The following SIGLEC8 variants were observed in gnomAD, a reference collection of about 807,000 sequenced individuals.
SIGLEC8 encodes sialic acid-binding Ig-like lectin 8.
SIGLEC8 carries 32 observed loss-of-function variants against 42.1 expected under a neutral mutation model. The observed-to-expected ratio is 0.76, with a 90% CI of 0.57 to 1.02. The LOEUF (loss-of-function observed/expected upper bound fraction) is 1.02. SIGLEC8 is among the 50% of genes least tolerant of loss of function. SIGLEC8 has a pLI of 0.00. For synonymous variants in SIGLEC8, 262 were observed against 260.3 expected (o/e 1.01, Z -0.06); for missense variants, 611 against 610.2 (o/e 1.00, Z -0.01).
At position 51,454,385 on chromosome 19, in the gene SIGLEC8, C is replaced by T. The variant is rs900859412; in HGVS notation, c.1149-70G>A. The T allele has an allele frequency of 1.2e-6, 2 of 1,611,164 alleles. No homozygotes were observed. The highest frequency in any genetic ancestry group is 2.7e-5 in the African/African-American group (2 of 74,760). On this transcript the variant is annotated intron_variant, in intron 5 of 6. Transcript: ENST00000321424. This position sits in a 1 kb window ranked among gnomAD's most constrained non-coding sequence, Gnocchi z 4.7. ...GTGCAGTGGGCAGACCAACCCCTGC[C>T]CTGTATTTCCTACTGGGGGCTTGAG...
chr19:51,454,721 C>T lies in SIGLEC8; in HGVS notation c.1111G>A (p.Ala371Thr). 6.2e-7 allele frequency: 1 copy of T among 1,613,898 alleles called. No homozygotes were observed. Among genetic ancestry groups the T allele is most frequent in the Non-Finnish European group, 8.5e-7 (1 of 1,179,970 alleles). Reference protein sequence around the residue: ...LAAVGGAGATALAFLSFCIIF... With the variant: ...LAAVGGAGATTLAFLSFCIIF... ...ATGCAGAAGGACAGGAAGGCCAGGG[C>T]TGTGGCTCCAGCTCCCCCGACTGCT... The change falls in exon 5 of 7, where the codon GCC (alanine) becomes ACC (threonine). Residue 371 changes from alanine to threonine, a missense_variant. Ala to Thr is a moderately conservative substitution (Grantham distance 58). Coordinates refer to ENST00000321424, the MANE Select transcript of SIGLEC8 (RefSeq NM_014442.3). This position sits in a 1 kb window ranked among gnomAD's most constrained non-coding sequence, Gnocchi z 4.7.
At chr19:51,457,844 A>T in intron 1 of SIGLEC8, 90 bp downstream of exon 1, 1 of 1,551,332 alleles carries the variant, frequency 6.4e-7, no homozygotes, top group Non-Finnish European at 8.8e-7. Context: ...ACTTATTTCA[A>T]TCCCAACCCC....
chr19:51,458,051 C>T lies in SIGLEC8; in HGVS notation c.337G>A (p.Asp113Asn), dbSNP rs1334456005. The change falls in exon 1 of 7, where the codon GAC becomes AAC. Residue 113 changes from aspartate to asparagine, a missense_variant. Transcript: ENST00000321424. ...GACCCCTTATCCCTCTTCCTGGCGT[C>T]TCTGATGCTCAGGGAGCAGTCGTTG... ...WSNDCSLSIR[D>N]ARKRDKGSYF... 6.2e-7 allele frequency: 1 copy of T among 1,614,214 alleles called. No individual in the cohort carries two copies. Among genetic ancestry groups the T allele is most frequent in the Non-Finnish European group, 8.5e-7 (1 of 1,180,030 alleles).
chr19:51,454,187 A>G lies in SIGLEC8; in HGVS notation c.1245+32T>C. The G allele has an allele frequency of 6.2e-7, 1 of 1,613,614 alleles. No homozygotes were observed. Among genetic ancestry groups the G allele is most frequent in the Non-Finnish European group, 8.5e-7 (1 of 1,179,722 alleles). Reference sequence around the variant, plus strand: ...ATCCTGTCAGAGGTGTCCAGGCTGGATGCTCGGTGTGGAGAAGCCCACATC... The same window carrying G: ...ATCCTGTCAGAGGTGTCCAGGCTGGGTGCTCGGTGTGGAGAAGCCCACATC... On this transcript the variant is annotated intron_variant, in intron 6 of 6. Transcript: ENST00000321424. This position sits in a 1 kb window ranked among gnomAD's most constrained non-coding sequence, Gnocchi z 4.7.
chr19:51,457,323 A>T, intron 2 of SIGLEC8, 92 bp from the exon 3 acceptor site: 2 of 1,495,894 alleles, frequency 1.3e-6, no homozygotes, highest in Non-Finnish European at 1.8e-6. Context: ...GGGAAAATGG[A>T]GTCGGCATTC....
rs777334633 is a variant in SIGLEC8 at position 51,455,722 on chromosome 19, T to C, written c.782-35A>G. On this transcript the variant is annotated intron_variant, in intron 3 of 6. Coordinates refer to ENST00000321424, the MANE Select transcript of SIGLEC8 (RefSeq NM_014442.3). ...AAGAGACAGAGGGTCATCCCATTAC[T>C]GGGTATATACCCAAAGGATTATAAA... 3 of 1,569,484 alleles carry C rather than the reference T, an allele frequency of 1.9e-6. No homozygotes were observed. The South Asian group carries it at 3.4e-5, about 18-fold the overall frequency.
intron 3 of SIGLEC8, among the ~76,000 whole-genome samples, chr19:51,456,446 T>C (rs1989495053): frequency 6.6e-6 from 1 of 152,226 alleles, no homozygotes; most frequent in African/African-American, 2.4e-5. Flanking sequence ...TGGTATATTT[T>C]GCTTTTAGGA....
chr19:51,455,902 A>G (rs993995474), intron 3 of SIGLEC8, among the ~76,000 whole-genome samples: 42 of 152,218 alleles, frequency 2.8e-4, no homozygotes, highest in Admixed American at 5.2e-4. Context: ...GCCACAAAAA[A>G]TGATGAGTTC....
At chr19:51,452,767 C>G (rs1339644123) in intron 6 of SIGLEC8, 134 bp from the exon 7 acceptor site, 4 of 772,310 alleles carry the variant, frequency 5.2e-6, no homozygotes, top group Non-Finnish European at 7.3e-6. Context: ...GTCTTTCATG[C>G]TTTCCTCCAA....
At chr19:51,455,004 T>C (rs1245490819) in intron 4 of SIGLEC8, among the ~76,000 whole-genome samples, 1 of 152,236 alleles carries the variant, frequency 6.6e-6, no homozygotes, top group Non-Finnish European at 1.5e-5. Context: ...TATTGTGTTC[T>C]TGTGGAATCA....
chr19:51,457,192 T>C lies in SIGLEC8; in HGVS notation c.773A>G (p.Asp258Gly), dbSNP rs1422145720. The stretch of plus-strand genomic sequence containing the variant: ...AGGGGGCTCTGTCCTACCTGTGGCA[T>C]CTCCTTGGAAGACAGTCATGGTCAA... ...WNLTMTVFQG[D>G]ATASTALGNG... The change falls in exon 3 of 7, where the codon GAT (aspartate) becomes GGT (glycine). Residue 258 changes from aspartate (D) to glycine (G), a missense_variant. By Grantham distance (94) the Asp-to-Gly change is moderately conservative (BLOSUM62 -1). Coordinates refer to ENST00000321424, the MANE Select transcript of SIGLEC8 (RefSeq NM_014442.3). The C allele has an allele frequency of 6.2e-7, 1 of 1,613,740 alleles. No homozygotes were observed.
chr19:51,458,362 G>GGAAGCAGCA lies in SIGLEC8; in HGVS notation c.25_26insTGCTGCTTC (p.Leu6_Leu8dup), dbSNP rs773201319. 4.3e-6 allele frequency: 7 copies of GGAAGCAGCA among 1,612,728 alleles called. No homozygotes were observed. The East Asian group carries it at 1.6e-4, about 36-fold the overall frequency. On this transcript the variant is annotated inframe_insertion, in exon 1 of 7. Transcript: ENST00000321424. ...CATCCCCTTTGTCCCCCAGAGCAGG[G>GGAAGCAGCA]GCAGCAGCAGCAGCAGCAGCAGCAT...
intron 6 of SIGLEC8, chr19:51,453,945 G>A (rs1989428467): frequency 1.0e-6 from 1 of 985,066 alleles, no homozygotes; most frequent in African/African-American, 1.8e-5. Flanking sequence ...TCTTGGGGAG[G>A]AAAAATGGAG....
chr19:51,454,076 G>C lies in SIGLEC8; in HGVS notation c.1245+143C>G. The C allele has an allele frequency of 6.8e-7, 1 of 1,461,694 alleles. No homozygotes were observed. Among genetic ancestry groups the C allele is most frequent in the East Asian group, 2.5e-5 (1 of 40,116 alleles). The allele number at this position is 1,461,694 out of a possible 1,614,324, so 90.5% of individuals were successfully genotyped here. ...ACTGCCATGCTGTCAGCAAGATGGGGGAGTCCTGTAGAAGCCGGCCTGTGG... is the reference window on the plus strand; with the variant it reads ...ACTGCCATGCTGTCAGCAAGATGGGCGAGTCCTGTAGAAGCCGGCCTGTGG... On this transcript the variant is annotated intron_variant, in intron 6 of 6. Transcript: ENST00000321424. The surrounding 1 kb of genome is among the most constrained non-coding windows in gnomAD (Gnocchi z 4.7).
chr19:51,457,439 G>A (rs773830194), intron 2 of SIGLEC8, 22 bp downstream of exon 2: 2 of 1,612,906 alleles, frequency 1.2e-6, no homozygotes, highest in East Asian at 4.5e-5. Context: ...GAGGGACCTG[G>A]GCATCTTGGT....
At chr19:51,453,467 G>A in intron 6 of SIGLEC8, 1 of 854,718 alleles carries the variant, frequency 1.2e-6, no homozygotes, top group African/African-American at 1.8e-5. Flanking sequence ...GGAGGCTGAG[G>A]CGGGCGGATC....
At chr19:51,456,984 G>T (rs1989509384) in intron 3 of SIGLEC8, among the ~76,000 whole-genome samples, 200 bp downstream of exon 3, 1 of 152,158 alleles carries the variant, frequency 6.6e-6, no homozygotes, top group Non-Finnish European at 1.5e-5. Context: ...GGTGTGTGGA[G>T]GAGTCTAAGG....
rs1989432743 is a variant in SIGLEC8, at chr19:51,454,145, G to C, written c.1245+74C>G. 4 of 1,600,356 alleles carry C rather than the reference G, an allele frequency of 2.5e-6. No individual in the cohort carries two copies. The Admixed American group carries it at 5.2e-5, about 21-fold the overall frequency. On this transcript the variant is annotated intron_variant, in intron 6 of 6. Coordinates refer to ENST00000321424, the MANE Select transcript of SIGLEC8 (RefSeq NM_014442.3). This position sits in a 1 kb window ranked among gnomAD's most constrained non-coding sequence, Gnocchi z 4.7. ...GAAGTGACTTTGGCCATACCAAAGA[G>C]AGCGATCCTGGGGGCCATCCTGTCA...
rs777153848 is a variant in SIGLEC8, at chr19:51,454,031, G to A, written c.1245+188C>T. On this transcript the variant is annotated intron_variant, in intron 6 of 6. Coordinates refer to ENST00000321424, the MANE Select transcript of SIGLEC8 (RefSeq NM_014442.3). The surrounding 1 kb of genome is among the most constrained non-coding windows in gnomAD (Gnocchi z 4.7). ...ATAACTCCTACTCAGTGCCTGGCCT[G>A]GGAAAAATTGGGGGTAGGGACTGCC... 5.1e-6 allele frequency: 5 copies of A among 985,240 alleles called. No individual in the cohort carries two copies. The highest frequency in any genetic ancestry group is 1.7e-5 in the African/African-American group (1 of 57,224). The allele number at this position is 985,240 out of a possible 1,614,324, so 61.0% of individuals were successfully genotyped here.
Sources: allele counts gnomAD v4.1 joint callset (sites outside exome capture counted in the v4.1 genomes callset), GRCh38; gene constraint gnomAD v4.1.1; non-coding constraint Gnocchi (gnomAD v3.1); transcripts MANE v1.5; gene names NCBI Gene and HGNC (gene_info 2026-07-23, HGNC 2026-07-21).